ANO3: variants seen among roughly 807,000 people sequenced by gnomAD.
ANO3 encodes anoctamin-3.
In ANO3, 99 loss-of-function variants were observed where a neutral mutation model predicts 144.8. The ratio of observed to expected loss-of-function variants is 0.68; its 90% CI spans 0.58 to 0.81. The LOEUF (loss-of-function observed/expected upper bound fraction) is 0.81. Among genes scored for constraint, ANO3 ranks in the 30% least tolerant of loss-of-function variants. ANO3 has a pLI of 0.00. For synonymous variants in ANO3, 414 were observed against 392.6 expected, an observed-to-expected ratio of 1.05 and a Z score of -0.64; for missense variants, 905 against 1,202.2, an observed-to-expected ratio of 0.75 and a Z score of 3.66.
chr11:26,488,614 A>G (rs2087973), intron 4 of ANO3, among the ~76,000 whole-genome samples: 151 of 152,156 alleles, frequency 9.9e-4, no homozygotes, highest in African/African-American at 3.5e-3. Flanking sequence ...GCAGTGAGTG[A>G]TACAGCTCTT....
chr11:26,503,595 G>A (rs907063746), intron 4 of ANO3, among the ~76,000 whole-genome samples: 12 of 152,022 alleles, frequency 7.9e-5, no homozygotes, highest in East Asian at 3.9e-4. Context: ...ACTTTTTATC[G>A]TGTCTGTTAA....
chr11:26,586,494 G>C (rs1337070455), intron 14 of ANO3, among the ~76,000 whole-genome samples: 3 of 85,106 alleles, frequency 3.5e-5, no homozygotes, highest in Admixed American at 1.4e-4. Flanking sequence ...GGGCTTCCCT[G>C]GTGAGAATCT....
chr11:26,548,537 T>G (rs949973919), intron 12 of ANO3, among the ~76,000 whole-genome samples: 1 of 151,960 alleles, frequency 6.6e-6, no homozygotes, highest in Non-Finnish European at 1.5e-5. Context: ...CTTCATGAGA[T>G]CATAACAATT....
chr11:26,560,820 A>G (rs1055323511), intron 14 of ANO3: 1 of 358,872 alleles, frequency 2.8e-6, no homozygotes, highest in Non-Finnish European at 5.0e-6. Context: ...TTCTACTAAG[A>G]AAATACTACT....
intron 1 of ANO3, among the ~76,000 whole-genome samples, chr11:26,399,299 G>A (rs1456220933): frequency 1.3e-5 from 2 of 151,882 alleles, no homozygotes; most frequent in African/African-American, 4.8e-5. Flanking sequence ...AGGACCACGG[G>A]GAAGGATGGG....
intron 1 of ANO3, among the ~76,000 whole-genome samples, chr11:26,438,586 A>G (rs1238139386): frequency 2.2e-5 from 3 of 137,444 alleles, no homozygotes; most frequent in African/African-American, 5.4e-5. Flanking sequence ...ATCTCTACTA[A>G]AAATACAAAA....
At chr11:26,593,217 A>T (rs1411120561) in intron 14 of ANO3, among the ~76,000 whole-genome samples, 1 of 152,192 alleles carries the variant, frequency 6.6e-6, no homozygotes, top group African/African-American at 2.4e-5. Flanking sequence ...CTAGGTAAGC[A>T]TACTTAGAGT....
intron 1 of ANO3, among the ~76,000 whole-genome samples, chr11:26,333,528 C>A (rs535178810): frequency 6.6e-6 from 1 of 152,110 alleles, no homozygotes; most frequent in Admixed American, 6.6e-5. Context: ...GTGATCCGCC[C>A]GCCTTAGCCT....
Position 26,537,449 on chromosome 11 carries a change from T to C in ANO3, c.1020T>C (p.Phe340=). 6.2e-7 allele frequency: 1 copy of C among 1,613,664 alleles called. No individual in the cohort carries two copies. The highest frequency in any genetic ancestry group is 8.5e-7 in the Non-Finnish European group (1 of 1,179,530). The change falls in exon 10 of 27, where the codon TTT becomes TTC. Residue 340 remains phenylalanine (F), a synonymous_variant. Transcript: ENST00000256737. The stretch of plus-strand genomic sequence containing the variant: ...ACAATGGCTCATACATAGCAGCGTT[T>C]CCACCACATGAGGTAATTTTGAAAT... ...LINNGSYIAA[F]PPHEGAYKSS...
chr11:26,524,167 G>A (rs375189996), intron 6 of ANO3, among the ~76,000 whole-genome samples: 2 of 152,122 alleles, frequency 1.3e-5, no homozygotes, highest in Admixed American at 6.5e-5. Context: ...ATATGTACCG[G>A]TGGTTCTGAA....
At chr11:26,656,536 T>C (rs1337986470) in intron 26 of ANO3, 55 bp downstream of exon 26, 1 of 1,173,472 alleles carries the variant, frequency 8.5e-7, no homozygotes, top group Non-Finnish European at 1.3e-6. Context: ...TCTAAATGAT[T>C]TATCAGTTGC....
intron 1 of ANO3, among the ~76,000 whole-genome samples, chr11:26,200,043 A>G (rs1464472770): frequency 6.6e-6 from 1 of 152,152 alleles, no homozygotes; most frequent in Non-Finnish European, 1.5e-5. Context: ...TGGAAAGACT[A>G]TGAGGCTTCG....
At chr11:26,198,981 T>C (rs1340267666) in intron 1 of ANO3, among the ~76,000 whole-genome samples, 1 of 152,210 alleles carries the variant, frequency 6.6e-6, no homozygotes, top group African/African-American at 2.4e-5. Context: ...AAAAGATGCA[T>C]GTTCTAAAGT....
At chr11:26,457,631 C>T (rs971445840) in intron 3 of ANO3, among the ~76,000 whole-genome samples, 9 of 152,232 alleles carry the variant, frequency 5.9e-5, no homozygotes, top group Non-Finnish European at 1.2e-4. Context: ...CGTTAAAAAA[C>T]TGTAACGGAC....
chr11:26,519,092 C>T (rs1225004106), intron 6 of ANO3, among the ~76,000 whole-genome samples: 3 of 152,132 alleles, frequency 2.0e-5, no homozygotes, highest in Non-Finnish European at 4.4e-5. Context: ...CCTGCCCCAT[C>T]CTATGAATTC....
intron 17 of ANO3, among the ~76,000 whole-genome samples, chr11:26,614,392 G>T (rs1220323462): frequency 6.6e-6 from 1 of 152,134 alleles, no homozygotes; most frequent in African/African-American, 2.4e-5. Context: ...CCTATGTTCT[G>T]GGCAGCTGAG....
intron 1 of ANO3, among the ~76,000 whole-genome samples, chr11:26,236,529 T>C (rs1852526040): frequency 6.6e-6 from 1 of 152,074 alleles, no homozygotes; most frequent in Non-Finnish European, 1.5e-5. Flanking sequence ...CTCAAGAATC[T>C]AAAAATCGGC....
chr11:26,457,924 T>C (rs1243719638), intron 3 of ANO3, among the ~76,000 whole-genome samples: 2 of 152,150 alleles, frequency 1.3e-5, no homozygotes, highest in African/African-American at 4.8e-5. Context: ...TTCTTAACTC[T>C]TTGATCTTTT....
chr11:26,460,605 G>A (rs1033468425), intron 3 of ANO3, among the ~76,000 whole-genome samples: 4 of 151,968 alleles, frequency 2.6e-5, no homozygotes, highest in South Asian at 2.1e-4. Flanking sequence ...TAAATGTGGT[G>A]GTATTTGGCA....
Sources: allele counts gnomAD v4.1 joint callset (sites outside exome capture counted in the v4.1 genomes callset), GRCh38; gene constraint gnomAD v4.1.1; transcripts MANE v1.5; gene names NCBI Gene and HGNC (gene_info 2026-07-23, HGNC 2026-07-21).